RSPO4: variants seen among roughly 807,000 people sequenced by gnomAD.
RSPO4 encodes the protein R-spondin 4.
A neutral mutation model predicts 24.8 loss-of-function variants in RSPO4; 23 were observed. That is an observed-to-expected ratio of 0.93 (90% CI 0.67 to 1.31). RSPO4 has a LOEUF of 1.31. RSPO4 is among the 40% of genes most tolerant of loss of function. RSPO4 has a pLI of 0.00. For synonymous variants in RSPO4, 141 were observed against 127.4 expected (o/e 1.11, Z -0.72); for missense variants, 333 against 316.5 (o/e 1.05, Z -0.39).
At chr20:979,372 C>T (rs1259574062) in intron 1 of RSPO4, among the ~76,000 whole-genome samples, 1 of 152,200 alleles carries the variant, frequency 6.6e-6, no homozygotes, top group East Asian at 1.9e-4. Context: ...AAGAGTGATT[C>T]CTTCTTAGAT....
rs977798072 is a variant in RSPO4 at position 970,736 on chromosome 20, C to A, written c.80-2598G>T. Among the ~76,000 whole-genome samples, 2 of 152,178 alleles carry A rather than the reference C, an allele frequency of 1.3e-5. No homozygotes were observed. Among genetic ancestry groups the A allele is most frequent in the East Asian group, 1.9e-4 (1 of 5,202 alleles). On this transcript the variant is annotated intron_variant, in intron 1 of 4. Transcript: ENST00000217260. The surrounding 1 kb of genome is among the most constrained non-coding windows in gnomAD (Gnocchi z 4.1). ...CAGAGCTGGCAAGAATGAGAGGAAA[C>A]CTTCGCTTTTTCACCTTAGATAGGA...
chr20:964,203 T>G (rs1399814799), intron 3 of RSPO4, 83 bp from the exon 4 acceptor site: 1 of 1,165,510 alleles, frequency 8.6e-7, no homozygotes, highest in Non-Finnish European at 1.2e-6. Context: ...GGGCAGGGTT[T>G]GAGGGGTTCA....
At chr20:964,795 T>TACACAC (rs1327859655) in intron 3 of RSPO4, among the ~76,000 whole-genome samples, 1,909 of 108,426 alleles carry the variant, frequency 0.018, 57 homozygotes, top group African/African-American at 0.078. Flanking sequence ...TATACACATA[T>TACACAC]ATACACACAT....
chr20:962,444 G>GA (rs2079720925), intron 4 of RSPO4, among the ~76,000 whole-genome samples: 1 of 152,128 alleles, frequency 6.6e-6, no homozygotes, highest in Admixed American at 6.5e-5. Flanking sequence ...TTATCCAGGG[G>GA]AAAAGCTTTC....
chr20:975,135 C>T (rs193235224), intron 1 of RSPO4, among the ~76,000 whole-genome samples: 2,088 of 152,208 alleles, frequency 0.014, 28 homozygotes, highest in Non-Finnish European at 0.021. Context: ...CACTAGACAG[C>T]GAACAGATCA....
At position 981,586 on chromosome 20, in the gene RSPO4, C is replaced by T. The variant is rs1468638437; in HGVS notation, c.80-13448G>A. On this transcript the variant is annotated intron_variant, in intron 1 of 4. Transcript: ENST00000217260. The surrounding 1 kb of genome is among the most constrained non-coding windows in gnomAD (Gnocchi z 4.6). Reference sequence around the variant, plus strand: ...AAAATATCAAATGGGCAACCTGACTCCTTTCGCCACTCATAGGAGGGGCAT... The same window carrying T: ...AAAATATCAAATGGGCAACCTGACTTCTTTCGCCACTCATAGGAGGGGCAT... Among the ~76,000 whole-genome samples, 1 of 152,168 alleles carries T rather than the reference C, an allele frequency of 6.6e-6. No homozygotes were observed.
At chr20:961,233 C>G (rs1191180692) in intron 4 of RSPO4, among the ~76,000 whole-genome samples, 1 of 152,150 alleles carries the variant, frequency 6.6e-6, no homozygotes, top group Non-Finnish European at 1.5e-5. Flanking sequence ...CAAGGCCAGC[C>G]CTAAGTTTCT....
intron 3 of RSPO4, among the ~76,000 whole-genome samples, chr20:966,159 C>T (rs958048670): frequency 1.2e-4 from 19 of 152,060 alleles, no homozygotes; most frequent in African/African-American, 4.3e-4. Context: ...GAGTCAGGGG[C>T]CATCAGCAGC....
intron 1 of RSPO4, among the ~76,000 whole-genome samples, chr20:998,983 CTCT>C (rs1282872017): frequency 1.4e-5 from 2 of 143,892 alleles, no homozygotes; most frequent in South Asian, 2.2e-4. Flanking sequence ...CTCTCTCGCT[CTCT>C]TTTTTTTTTT....
intron 1 of RSPO4, among the ~76,000 whole-genome samples, chr20:977,494 G>A (rs534068555): frequency 7.9e-5 from 12 of 152,190 alleles, no homozygotes; most frequent in East Asian, 1.9e-4. Flanking sequence ...ACAGTCAAGC[G>A]GGTCTCCATG....
In RSPO4 at chr20:976,800, A is replaced by AT. The variant is rs111669525; in HGVS notation, c.80-8663dup. Among the ~76,000 whole-genome samples, 393 of 151,944 alleles carry AT rather than the reference A, an allele frequency of 2.6e-3. 1 individual carries two copies. Among genetic ancestry groups the AT allele is most frequent in the African/African-American group, 6.1e-3 (253 of 41,428 alleles). On this transcript the variant is annotated intron_variant, in intron 1 of 4. Coordinates refer to ENST00000217260, the MANE Select transcript of RSPO4 (RefSeq NM_001029871.4). ...CAAGCCAGAAAGCCTAGCCCCATACATTTTTTTTAAAAAAAACAAGACTAA... is the reference window on the plus strand; with the variant it reads ...CAAGCCAGAAAGCCTAGCCCCATACATTTTTTTTTAAAAAAAACAAGACTAA...
At chr20:996,501 C>A (rs939859234) in intron 1 of RSPO4, among the ~76,000 whole-genome samples, 1 of 152,206 alleles carries the variant, frequency 6.6e-6, no homozygotes, top group African/African-American at 2.4e-5. Context: ...TGTTGAGGTG[C>A]AGCCTCAGAG....
chr20:988,346 G>T (rs1234949824), intron 1 of RSPO4, among the ~76,000 whole-genome samples: 1 of 152,154 alleles, frequency 6.6e-6, no homozygotes, highest in Non-Finnish European at 1.5e-5. Context: ...CTGTGGGGCA[G>T]GAGTAGAAGC....
intron 1 of RSPO4, among the ~76,000 whole-genome samples, chr20:979,573 C>T (rs552585388): frequency 6.6e-6 from 1 of 152,334 alleles, no homozygotes; most frequent in African/African-American, 2.4e-5. Flanking sequence ...GTCACCTGTG[C>T]ACTCCTCCCA....
chr20:969,922 C>G (rs1984357006), intron 1 of RSPO4, among the ~76,000 whole-genome samples: 1 of 152,192 alleles, frequency 6.6e-6, no homozygotes, highest in African/African-American at 2.4e-5. Context: ...ACCTGAGCCC[C>G]AAGACCACCC....
In RSPO4 at chr20:968,119, GC is replaced by G. The variant is rs768138495; in HGVS notation, c.98del (p.Gly33AlafsTer193). ...RKKQVGTGLGGNCTGCIICSE... is the reference protein window; with the variant it reads ...RKKQVGTGLGXNCTGCIICSE... ...AGCAGATGATACAGCCTGTGCAGTT[GC>G]CCCCCAGGCCAGTGCCCACTGCCCA... On this transcript the variant is annotated frameshift_variant, in exon 2 of 5. Coordinates refer to ENST00000217260, the MANE Select transcript of RSPO4 (RefSeq NM_001029871.4). LOFTEE classifies it high-confidence loss of function. 1 of 1,614,042 alleles carries G rather than the reference GC, an allele frequency of 6.2e-7. No individual in the cohort carries two copies. Among genetic ancestry groups the G allele is most frequent in the Non-Finnish European group, 8.5e-7 (1 of 1,180,004 alleles).
intron 1 of RSPO4, among the ~76,000 whole-genome samples, chr20:972,959 A>C (rs1884113): frequency 0.29 from 43,735 of 152,206 alleles, 8,322 homozygotes; most frequent in African/African-American, 0.53. Context: ...GCATTTCCTG[A>C]AAAACGAATC....
intron 1 of RSPO4, among the ~76,000 whole-genome samples, chr20:993,083 GGCTCC>G (rs1227236126): frequency 1.3e-5 from 2 of 152,208 alleles, no homozygotes; most frequent in Non-Finnish European, 2.9e-5. Context: ...TCTGCCATCG[GGCTCC>G]AGGGAAAGTG....
intron 1 of RSPO4, among the ~76,000 whole-genome samples, chr20:968,545 C>A (rs936321457): frequency 1.3e-5 from 2 of 152,250 alleles, no homozygotes; most frequent in African/African-American, 4.8e-5. Context: ...ACTGCTGTAC[C>A]AGCTCTAGCC....
Sources: gnomAD v4.1 joint callset for allele counts (sites outside exome capture counted in the v4.1 genomes callset) on GRCh38, gnomAD v4.1.1 for gene constraint, Gnocchi (gnomAD v3.1) non-coding constraint, MANE v1.5 for transcripts, NCBI Gene and HGNC (gene_info 2026-07-23, HGNC 2026-07-21) for gene names.